Variants in CNOT4 observed in about 807,000 individuals in gnomAD.
CNOT4 encodes the protein CCR4-associated factor 4.
In CNOT4, 8 loss-of-function variants were observed where a neutral mutation model predicts 73.8. The observed-to-expected ratio is 0.11, with a 90% CI of 0.06 to 0.20. CNOT4 has a LOEUF of 0.20. CNOT4 is among the 10% of genes least tolerant of loss of function. The probability of loss-of-function intolerance (pLI) is 1.00; values close to 1 mark genes in which losing one functional copy is unlikely to be tolerated. For missense variants in CNOT4, 564 were observed against 883.4 expected (o/e 0.64, Z 4.58); for synonymous variants, 293 against 321.1 (o/e 0.91, Z 0.94).
intron 1 of CNOT4, among the ~76,000 whole-genome samples, chr7:135,497,852 C>T (rs1319553937): frequency 1.3e-5 from 2 of 152,200 alleles, no homozygotes; most frequent in South Asian, 2.1e-4. Flanking sequence ...CAAGTGATTA[C>T]TGAAAATATA....
intron 7 of CNOT4, among the ~76,000 whole-genome samples, chr7:135,403,041 A>T (rs188595808): frequency 1.3e-5 from 2 of 152,338 alleles, no homozygotes; most frequent in Non-Finnish European, 2.9e-5. Flanking sequence ...CAAATTCAAA[A>T]GAAAAATAGT....
chr7:135,425,865 C>G (rs550271423), intron 2 of CNOT4, among the ~76,000 whole-genome samples: 1 of 152,180 alleles, frequency 6.6e-6, no homozygotes, highest in East Asian at 1.9e-4. Flanking sequence ...CCATATATAC[C>G]TACTGCACAA....
At chr7:135,472,546 T>C (rs1308212572) in intron 1 of CNOT4, among the ~76,000 whole-genome samples, 1 of 72,388 alleles carries the variant, frequency 1.4e-5, no homozygotes, top group Admixed American at 2.0e-4. Context: ...TATATATATA[T>C]ATATATATAT....
rs1254250435 is a variant in CNOT4 at position 135,504,475 on chromosome 7, T to TA, written c.-93+5413_-93+5414insT. 2.4e-4 allele frequency among the ~76,000 whole-genome samples: 17 copies of TA among 69,516 alleles called. 2 individuals carry two copies. The highest frequency in any genetic ancestry group is 1.2e-3 in the South Asian group (2 of 1,734). 45.6% of individuals were successfully genotyped at this position (69,516 alleles called of 152,430 possible). A position where few individuals can be genotyped will look rare whatever the true frequency, so the allele number is the denominator to read the frequency against. ...CACATCCGGCTAATTTTTTTTTTTT[T>TA]TTTTTTTTTTTTTTATTTTTATTTT... On this transcript the variant is annotated intron_variant, in intron 1 of 11. Transcript: ENST00000541284.
Position 135,394,102 on chromosome 7 carries a change from C to T in CNOT4, c.1443G>A (p.Gln481=). 2 of 1,614,154 alleles carry T rather than the reference C, an allele frequency of 1.2e-6. No individual in the cohort carries two copies. The highest frequency in any genetic ancestry group is 1.7e-6 in the Non-Finnish European group (2 of 1,180,024). Residue 481 remains glutamine (Q), a synonymous_variant, in exon 10 of 12, where the codon CAG becomes CAA. Transcript: ENST00000541284. ...VLPQRFPQFQ[Q]HRAVYNSFSF... ...TGAATGAATTATAAACCGCTCGGTG[C>T]TGCTGAAATTGAGGGAACCTCTGGG...
intron 3 of CNOT4, among the ~76,000 whole-genome samples, chr7:135,416,077 C>T (rs1019985631): frequency 2.0e-5 from 3 of 152,104 alleles, no homozygotes; most frequent in African/African-American, 7.2e-5. Flanking sequence ...TAATTTGCAA[C>T]TACCTCAAAA....
intron 1 of CNOT4, among the ~76,000 whole-genome samples, chr7:135,472,366 A>G (rs1801639120): frequency 6.8e-6 from 1 of 147,400 alleles, no homozygotes; most frequent in Admixed American, 6.8e-5. Context: ...AGTCCCAGCT[A>G]CTCAGAAGGC....
chr7:135,444,148 AAT>A (rs1233169280), intron 1 of CNOT4, among the ~76,000 whole-genome samples: 9 of 80,468 alleles, frequency 1.1e-4, no homozygotes, highest in South Asian at 4.0e-4. Flanking sequence ...TTCAAAAAAT[AAT>A]AATAATAATA....
intron 3 of CNOT4, among the ~76,000 whole-genome samples, chr7:135,420,467 C>T (rs1281833225): frequency 6.6e-6 from 1 of 150,572 alleles, no homozygotes; most frequent in African/African-American, 2.4e-5. Context: ...GACCCAGTTA[C>T]CTGGGGGGCT....
chr7:135,478,976 A>G (rs892073208), intron 1 of CNOT4, among the ~76,000 whole-genome samples: 1 of 152,166 alleles, frequency 6.6e-6, no homozygotes, highest in Non-Finnish European at 1.5e-5. Flanking sequence ...ATATCTATTT[A>G]AAAAAATTTT....
chr7:135,404,209 G>C (rs1797157153), intron 7 of CNOT4, among the ~76,000 whole-genome samples: 1 of 152,166 alleles, frequency 6.6e-6, no homozygotes, highest in South Asian at 2.1e-4. Context: ...AAGATTCTGA[G>C]ATATAAACTC....
intron 10 of CNOT4, among the ~76,000 whole-genome samples, chr7:135,373,093 A>T (rs900398682): frequency 3.3e-5 from 5 of 152,178 alleles, no homozygotes; most frequent in African/African-American, 4.8e-5. Flanking sequence ...AAGAAAGCTT[A>T]GAAAAGATGG....
intron 7 of CNOT4, among the ~76,000 whole-genome samples, chr7:135,408,747 C>T (rs1325885618): frequency 6.6e-6 from 1 of 152,142 alleles, no homozygotes; most frequent in African/African-American, 2.4e-5. Flanking sequence ...AGGAAATCCA[C>T]GCAGACATGG....
intron 10 of CNOT4, among the ~76,000 whole-genome samples, chr7:135,371,000 G>A (rs6968183): frequency 0.94 from 142,938 of 152,314 alleles, 67,131 homozygotes; most frequent in East Asian, 1. Context: ...TATTATGTGT[G>A]CAGGATATTA....
chr7:135,371,898 G>C (rs568070974), intron 10 of CNOT4, among the ~76,000 whole-genome samples: 42 of 152,134 alleles, frequency 2.8e-4, no homozygotes, highest in Non-Finnish European at 5.6e-4. Context: ...TCATATAAAA[G>C]ATCTTTACAA....
intron 10 of CNOT4, among the ~76,000 whole-genome samples, chr7:135,369,380 A>G (rs1345774324): frequency 6.6e-6 from 1 of 152,202 alleles, no homozygotes; most frequent in Non-Finnish European, 1.5e-5. Flanking sequence ...TTCTCATTAA[A>G]TAATAAATAC....
chr7:135,366,969 G>C (rs1476642084), intron 10 of CNOT4, among the ~76,000 whole-genome samples: 1 of 152,088 alleles, frequency 6.6e-6, no homozygotes, highest in Non-Finnish European at 1.5e-5. Flanking sequence ...TCCATTCTTT[G>C]AAACACATAC....
At chr7:135,428,845 T>A (rs1283983879) in intron 2 of CNOT4, among the ~76,000 whole-genome samples, 1 of 152,186 alleles carries the variant, frequency 6.6e-6, no homozygotes, top group African/African-American at 2.4e-5. Context: ...ATTTAAAAAG[T>A]CTCCCAAGGA....
intron 7 of CNOT4, among the ~76,000 whole-genome samples, chr7:135,399,592 A>T (rs1421778408): frequency 6.6e-6 from 1 of 152,058 alleles, no homozygotes; most frequent in Non-Finnish European, 1.5e-5. Flanking sequence ...CAAATTTCTT[A>T]AAATTATTTT....
Sources: allele counts gnomAD v4.1 joint callset (sites outside exome capture counted in the v4.1 genomes callset), GRCh38; gene constraint gnomAD v4.1.1; transcripts MANE v1.5; gene names NCBI Gene and HGNC (gene_info 2026-07-23, HGNC 2026-07-21).